AXIN1: variants seen among roughly 807,000 people sequenced by gnomAD.
The protein encoded by AXIN1 is axin-1.
A neutral mutation model predicts 76.4 loss-of-function variants in AXIN1; 30 were observed. That is an observed-to-expected ratio of 0.39 (90% CI 0.29 to 0.53). AXIN1 has a LOEUF of 0.53. Ranked by LOEUF, AXIN1 falls within the 20% of genes least tolerant of loss-of-function variation. The pLI is 0.66. For missense variants in AXIN1, 1,140 were observed against 1,198.8 expected (o/e 0.95, Z 0.72); for synonymous variants, 545 against 501.4 (o/e 1.09, Z -1.16).
chr16:346,976 G>T lies in AXIN1; in HGVS notation c.50C>A (p.Thr17Asn). 6.2e-7 allele frequency: 1 copy of T among 1,614,222 alleles called. No homozygotes were observed. The highest frequency in any genetic ancestry group is 8.5e-7 in the Non-Finnish European group (1 of 1,180,046). ...GFPLDLGASF[T>N]EDAPRPPVPG... ...CACTGGGGGTCGGGGAGCATCTTCG[G>T]TGAAACTTGCTCCGAGGTCCAAGGG... The change falls in exon 2 of 11, where the codon ACC becomes AAC. Residue 17 changes from threonine (T) to asparagine (N), a missense_variant. Physicochemically the swap from Thr to Asn is moderately conservative, Grantham distance 65. Around this residue, in one of 3 missense-constraint regions of AXIN1, gnomAD observed 708 missense variants for 776.9 expected, o/e 0.91. Coordinates refer to ENST00000262320, the MANE Select transcript of AXIN1 (RefSeq NM_003502.4).
chr16:345,682 C>G (rs2054019470), intron 2 of AXIN1, among the ~76,000 whole-genome samples: 1 of 151,750 alleles, frequency 6.6e-6, no homozygotes. Flanking sequence ...CCATTGCACT[C>G]CAGCCTGAGC....
At chr16:299,311 C>G in intron 5 of AXIN1, 1 of 884,364 alleles carries the variant, frequency 1.1e-6, no homozygotes, top group African/African-American at 1.8e-5. Context: ...AATCTGGTGT[C>G]AATACAAAAG....
intron 2 of AXIN1, among the ~76,000 whole-genome samples, chr16:344,396 C>T (rs1306836550): frequency 6.8e-6 from 1 of 147,486 alleles, no homozygotes; most frequent in Non-Finnish European, 1.5e-5. Flanking sequence ...CGCCACCGCA[C>T]TCCAGCCTGG....
Position 298,055 on chromosome 16 carries a change from C to A in AXIN1, c.1451G>T (p.Arg484Leu), listed in dbSNP as rs752422812. The stretch of plus-strand genomic sequence containing the variant: ...GCGATGGCCAGGCCCAGGCGACTGG[C>A]GGCCAGGTGTCCTCAGCACACGCTG... ...HVQRVLRTPG[R>L]QSPGPGHRSP... The change falls in exon 6 of 11, where the codon CGC becomes CTC. Residue 484 changes from arginine (R) to leucine (L), a missense_variant. By Grantham distance (102) the Arg-to-Leu change is moderately radical. Transcript: ENST00000262320. The A allele has an allele frequency of 6.3e-7, 1 of 1,576,670 alleles. No homozygotes were observed. The highest frequency in any genetic ancestry group is 1.1e-5 in the South Asian group (1 of 87,626).
chr16:303,865 G>T (rs915157774), intron 5 of AXIN1, among the ~76,000 whole-genome samples: 16 of 152,198 alleles, frequency 1.1e-4, no homozygotes, highest in Admixed American at 7.9e-4. Context: ...AAGTGACCAG[G>T]AGGTGGCAGA....
chr16:326,129 C>A lies in AXIN1; in HGVS notation c.879-11446G>T, dbSNP rs113262419. Among the ~76,000 whole-genome samples, 525 of 151,700 alleles carry A rather than the reference C, an allele frequency of 3.5e-3. 1 individual carries two copies. The highest frequency in any genetic ancestry group is 0.012 in the African/African-American group (491 of 41,334). On this transcript the variant is annotated intron_variant, in intron 2 of 10. Transcript: ENST00000262320. ...CAGCACTTTGGGAGACTGAGGTGGG[C>A]GGATCATGAGGTCAGGAGTTCAAGA...
At chr16:341,298 C>T (rs1215813420) in intron 2 of AXIN1, among the ~76,000 whole-genome samples, 2 of 152,258 alleles carry the variant, frequency 1.3e-5, no homozygotes, top group African/African-American at 2.4e-5. Flanking sequence ...CGGCTGCATG[C>T]GCTTGCAGGC....
At chr16:298,567 G>A (rs1241990727) in intron 5 of AXIN1, among the ~76,000 whole-genome samples, 1 of 152,222 alleles carries the variant, frequency 6.6e-6, no homozygotes, top group East Asian at 1.9e-4. Context: ...GAGAACAGTG[G>A]TGTGATCTCA....
At chr16:320,739 ATATATT>A (rs1307107640) in intron 2 of AXIN1, among the ~76,000 whole-genome samples, 4 of 91,992 alleles carry the variant, frequency 4.3e-5, no homozygotes, top group South Asian at 3.1e-4. Flanking sequence ...ATATATATAT[ATATATT>A]TTTTTTTTTT....
In AXIN1 at chr16:293,084, C is replaced by T. The variant is rs372690135; in HGVS notation, c.2186+404G>A. On this transcript the variant is annotated intron_variant, in intron 8 of 10. Transcript: ENST00000262320. This position sits in a 1 kb window ranked among gnomAD's most constrained non-coding sequence, Gnocchi z 4.6. ...GCAGAGCCACTCAGGGCTCCTGGGA[C>T]GCAACTGTCAAGAGGCAGCCGCCAT... is the stretch of plus-strand genomic sequence containing the variant. The T allele has an allele frequency of 1.2e-5, 3 of 260,784 alleles. No individual in the cohort carries two copies. The highest frequency in any genetic ancestry group is 8.1e-5 in the East Asian group (1 of 12,388). 16.2% of individuals were successfully genotyped at this position (260,784 alleles called of 1,614,324 possible).
intron 1 of AXIN1, among the ~76,000 whole-genome samples, chr16:349,898 A>G (rs1367666261): frequency 2.0e-5 from 3 of 152,186 alleles, no homozygotes; most frequent in Admixed American, 6.5e-5. Flanking sequence ...TCCCAGGCTC[A>G]AGCAATTCTC....
At chr16:315,031 C>A (rs540763456) in intron 2 of AXIN1, among the ~76,000 whole-genome samples, 2 of 152,196 alleles carry the variant, frequency 1.3e-5, no homozygotes, top group Non-Finnish European at 2.9e-5. Flanking sequence ...CTGCAGTGCG[C>A]GTCGGGAGAG....
chr16:317,049 C>T (rs907550831), intron 2 of AXIN1, among the ~76,000 whole-genome samples: 6 of 152,184 alleles, frequency 3.9e-5, no homozygotes, highest in Non-Finnish European at 5.9e-5. Context: ...AGCACACCTG[C>T]GCATCAGAGT....
rs1367806061 is a variant in AXIN1 at position 346,899 on chromosome 16, T to C, written c.127A>G (p.Ser43Gly). The stretch of plus-strand genomic sequence containing the variant: ...CCAACACCTTTCCCGGAGCAGAAAC[T>C]GTAGCTGGCGGGCCTCGGGTCTGTG... ...VSTDPRPASY[S>G]FCSGKGVGIK... Residue 43 changes from serine to glycine, a missense_variant, in exon 2 of 11, where the codon AGT becomes GGT. Coordinates refer to ENST00000262320, the MANE Select transcript of AXIN1 (RefSeq NM_003502.4). 3 of 1,613,838 alleles carry C rather than the reference T, an allele frequency of 1.9e-6. No homozygotes were observed. Among genetic ancestry groups the C allele is most frequent in the Admixed American group, 3.3e-5 (2 of 60,026 alleles).
In AXIN1 at chr16:320,725, A is replaced by G. The variant is rs185385934; in HGVS notation, c.879-6042T>C. 4.9e-3 allele frequency among the ~76,000 whole-genome samples: 510 copies of G among 104,178 alleles called. 5 individuals are homozygous for G. Among genetic ancestry groups the G allele is most frequent in the East Asian group, 0.032 (143 of 4,418 alleles). 68.3% of individuals were successfully genotyped at this position (104,178 alleles called of 152,430 possible). On this transcript the variant is annotated intron_variant, in intron 2 of 10. Transcript: ENST00000262320. ...TGCATACGTATATGCGTGTGTGTGT[A>G]TATATATATATATATATATTTTTTT...
Position 306,059 on chromosome 16 carries a change from C to A in AXIN1, c.1117-1618G>T, listed in dbSNP as rs138186604. Among the ~76,000 whole-genome samples, 5 of 152,242 alleles carry A rather than the reference C, an allele frequency of 3.3e-5. No individual in the cohort carries two copies. The East Asian group carries it at 9.6e-4, about 29-fold the overall frequency. ...ATTCCCGTCCACCTTCACCCAGATT[C>A]CCCAAGGGCTCACATTCTGCCATAA... On this transcript the variant is annotated intron_variant, in intron 4 of 10. Transcript: ENST00000262320.
intron 5 of AXIN1, among the ~76,000 whole-genome samples, chr16:302,128 C>T (rs2052889548): frequency 6.6e-6 from 1 of 152,252 alleles, no homozygotes; most frequent in Non-Finnish European, 1.5e-5. Flanking sequence ...CCAGTGACCA[C>T]CAGGTCTGCA....
intron 2 of AXIN1, among the ~76,000 whole-genome samples, chr16:331,921 C>G (rs1021126625): frequency 1.3e-5 from 2 of 152,202 alleles, no homozygotes; most frequent in African/African-American, 4.8e-5. Flanking sequence ...CTCAAAAGCG[C>G]TGTTTCCAGG....
At chr16:296,682 C>T (rs538868358) in intron 7 of AXIN1, among the ~76,000 whole-genome samples, 7 of 152,202 alleles carry the variant, frequency 4.6e-5, no homozygotes, top group Admixed American at 2.6e-4. Context: ...AAGGCTCCTC[C>T]GTGGGCACCT....
Sources: gnomAD v4.1 joint callset for allele counts (sites outside exome capture counted in the v4.1 genomes callset) on GRCh38, gnomAD v4.1.1 for gene constraint, gnomAD v4.1.1 regional missense constraint, Gnocchi (gnomAD v3.1) non-coding constraint, MANE v1.5 for transcripts, NCBI Gene and HGNC (gene_info 2026-07-23, HGNC 2026-07-21) for gene names.